The following PAPSS2 variants were observed in gnomAD, a reference collection of about 807,000 sequenced individuals.
The protein encoded by PAPSS2 is bifunctional 3'-phosphoadenosine 5'-phosphosulfate synthase 2.
PAPSS2 carries 61 observed loss-of-function variants against 66.5 expected under a neutral mutation model. The observed-to-expected ratio is 0.92, with a 90% CI of 0.75 to 1.14. PAPSS2 has a LOEUF of 1.14. PAPSS2 is among the 50% of genes most tolerant of loss of function. The pLI, the probability that PAPSS2 is intolerant of heterozygous loss-of-function variation, is 0.00. For synonymous variants in PAPSS2, 289 were observed against 287.5 expected (o/e 1.01, Z -0.05); for missense variants, 708 against 789.6 (o/e 0.90, Z 1.24).
At chr10:87,699,248 G>A (rs920877966) in intron 1 of PAPSS2, among the ~76,000 whole-genome samples, 1 of 151,978 alleles carries the variant, frequency 6.6e-6, no homozygotes, top group Admixed American at 6.5e-5. Context: ...ATTTTAAAGG[G>A]ATTCATTGCC....
chr10:87,723,346 AC>A (rs1386919395), intron 8 of PAPSS2, among the ~76,000 whole-genome samples: 1 of 152,244 alleles, frequency 6.6e-6, no homozygotes, highest in East Asian at 1.9e-4. Context: ...TCCATCAGCA[AC>A]CTCCATTAAC....
chr10:87,669,338 C>T (rs1294424964), intron 1 of PAPSS2, among the ~76,000 whole-genome samples: 2 of 152,156 alleles, frequency 1.3e-5, no homozygotes, highest in Non-Finnish European at 2.9e-5. Flanking sequence ...TTCCTCAGTT[C>T]GCAAAGTACT....
At chr10:87,703,905 C>A in intron 1 of PAPSS2, 1 of 500,790 alleles carries the variant, frequency 2.0e-6, no homozygotes. Flanking sequence ...GTACACACAG[C>A]AAGACAGACA....
chr10:87,671,325 G>A (rs796540715), intron 1 of PAPSS2, among the ~76,000 whole-genome samples: 3 of 152,214 alleles, frequency 2.0e-5, no homozygotes, highest in African/African-American at 7.2e-5. Flanking sequence ...ATTTCCTTAG[G>A]GGCTTTTTGT....
intron 1 of PAPSS2, among the ~76,000 whole-genome samples, chr10:87,671,430 G>A (rs916645743): frequency 2.0e-5 from 3 of 152,184 alleles, no homozygotes; most frequent in Admixed American, 2.0e-4. Context: ...CCAGTTTTAG[G>A]AACAGTAGTC....
At chr10:87,722,011 A>G (rs1853604170) in intron 8 of PAPSS2, among the ~76,000 whole-genome samples, 1 of 152,182 alleles carries the variant, frequency 6.6e-6, no homozygotes, top group South Asian at 2.1e-4. Flanking sequence ...TTGGCTGACA[A>G]AAGTAAACTT....
At position 87,703,276 on chromosome 10, in the gene PAPSS2, C is replaced by CGTGTGT. The variant is rs10673718; in HGVS notation, c.28-5885_28-5880dup. Among the ~76,000 whole-genome samples, 683 of 145,574 alleles carry CGTGTGT rather than the reference C, an allele frequency of 4.7e-3. 3 individuals carry two copies. The highest frequency in any genetic ancestry group is 0.011 in the South Asian group (49 of 4,438). ...AGCAGCAATAATGACAACAACATTG[C>CGTGTGT]GTGTGTGTGTGTGTGTGTGTGTGTG... On this transcript the variant is annotated intron_variant, in intron 1 of 12. Transcript: ENST00000456849.
intron 2 of PAPSS2, among the ~76,000 whole-genome samples, chr10:87,709,832 C>T (rs7919607): frequency 0.51 from 77,013 of 152,088 alleles, 20,514 homozygotes; most frequent in East Asian, 0.72. Flanking sequence ...GGAAAACTAG[C>T]AATTTCCATT....
intron 9 of PAPSS2, among the ~76,000 whole-genome samples, chr10:87,736,858 T>C (rs1853807433): frequency 1.3e-5 from 2 of 152,194 alleles, no homozygotes; most frequent in South Asian, 4.1e-4. Flanking sequence ...TCTCCTTCTA[T>C]GCTTGGCCTC....
At position 87,660,008 on chromosome 10, in the gene PAPSS2, G is replaced by A. The variant is rs759955222; in HGVS notation, c.27G>A (p.Thr9=). The stretch of plus-strand genomic sequence containing the variant: ...TGTCGGGGATCAAGAAGCAAAAGAC[G>A]GTAGGCTTCCAGGCGCCGGCTTCCC... MSGIKKQK[T]ENQQKSTNVV... The change falls in exon 1 of 13, where the codon ACG becomes ACA. Residue 9 remains threonine, a splice_region_variant and synonymous_variant. Coordinates refer to ENST00000456849, the MANE Select transcript of PAPSS2 (RefSeq NM_001015880.2). 2.5e-6 allele frequency: 4 copies of A among 1,612,852 alleles called. No individual in the cohort carries two copies. The highest frequency in any genetic ancestry group is 1.1e-5 in the South Asian group (1 of 90,926).
chr10:87,723,918 T>C (rs989766030), intron 8 of PAPSS2, among the ~76,000 whole-genome samples: 3 of 152,212 alleles, frequency 2.0e-5, no homozygotes, highest in Admixed American at 6.5e-5. Context: ...AATAACTGCA[T>C]TTGCTTCCTC....
intron 9 of PAPSS2, among the ~76,000 whole-genome samples, chr10:87,734,655 A>ATG (rs78861321): frequency 0.016 from 1,527 of 93,338 alleles, 19 homozygotes; most frequent in African/African-American, 0.043. Context: ...ACAGAAATGA[A>ATG]TGTGTGTGTA....
intron 1 of PAPSS2, among the ~76,000 whole-genome samples, chr10:87,706,084 G>GTGTATATATATATATATA (rs1459705587): frequency 2.3e-4 from 14 of 60,184 alleles, no homozygotes; most frequent in African/African-American, 1.2e-3. Context: ...TCTTCACATG[G>GTGTATATATATATATATA]TATATATATA....
intron 9 of PAPSS2, among the ~76,000 whole-genome samples, chr10:87,734,732 T>C (rs1162279777): frequency 7.1e-6 from 1 of 140,512 alleles, no homozygotes; most frequent in African/African-American, 2.7e-5. Context: ...TTGTAGGCAT[T>C]AGTTTTTCTT....
At chr10:87,708,957 G>A (rs1853428910) in intron 1 of PAPSS2, among the ~76,000 whole-genome samples, 1 of 152,294 alleles carries the variant, frequency 6.6e-6, no homozygotes, top group Non-Finnish European at 1.5e-5. Context: ...ACTTAGGTAT[G>A]TAGACTCACA....
chr10:87,671,114 G>C (rs75538470), intron 1 of PAPSS2, among the ~76,000 whole-genome samples: 231 of 152,160 alleles, frequency 1.5e-3, no homozygotes, highest in African/African-American at 5.4e-3. Flanking sequence ...TAAGTAACTT[G>C]CCTCAGGATG....
intron 4 of PAPSS2, 90 bp downstream of exon 4, chr10:87,714,272 A>G (rs1308633714): frequency 3.4e-6 from 5 of 1,475,270 alleles, no homozygotes; most frequent in Middle Eastern, 1.7e-4. Flanking sequence ...CTTGAGTTTC[A>G]AACTGTTTTC....
In PAPSS2 at chr10:87,698,267, A is replaced by T. The variant is rs187051621; in HGVS notation, c.28-10929A>T. Among the ~76,000 whole-genome samples the T allele has an allele frequency of 2.6e-3, 403 of 152,264 alleles. 2 individuals carry two copies. Among genetic ancestry groups the T allele is most frequent in the Middle Eastern group, 6.8e-3 (2 of 292 alleles). On this transcript the variant is annotated intron_variant, in intron 1 of 12. Coordinates refer to ENST00000456849, the MANE Select transcript of PAPSS2 (RefSeq NM_001015880.2). ...AAGTGTTTTCTCGTTCACAGCATTA[A>T]CCTATGCAACATAACCTTCTGTAGC...
intron 9 of PAPSS2, among the ~76,000 whole-genome samples, chr10:87,737,959 G>A (rs1853820792): frequency 1.3e-5 from 2 of 152,090 alleles, no homozygotes; most frequent in Admixed American, 6.6e-5. Context: ...TCATATAAGT[G>A]GAATCATGTA....
Sources: allele counts gnomAD v4.1 joint callset (sites outside exome capture counted in the v4.1 genomes callset), GRCh38; gene constraint gnomAD v4.1.1; transcripts MANE v1.5; gene names NCBI Gene and HGNC (gene_info 2026-07-23, HGNC 2026-07-21).